Variants in AEN observed in about 807,000 individuals in gnomAD.
AEN encodes the protein apoptosis enhancing nuclease.
AEN carries 21 observed loss-of-function variants against 17.7 expected under a neutral mutation model. The observed-to-expected ratio is 1.19, with a 90% confidence interval of 0.84 to 1.71. The LOEUF (loss-of-function observed/expected upper bound fraction) is 1.71. Ranked by LOEUF, AEN falls within the 40% of genes most tolerant of loss-of-function variation. The pLI, the probability that AEN is intolerant of heterozygous loss-of-function variation, is 0.00. For missense variants in AEN, 462 were observed against 435.9 expected, an observed-to-expected ratio of 1.06 and a Z score of -0.53; for synonymous variants, 190 against 173.0, an observed-to-expected ratio of 1.10 and a Z score of -0.77.
chr15:88,609,133 C>A, the AEN span, among the ~76,000 whole-genome samples: 3 of 152,148 alleles, frequency 2.0e-5, no homozygotes, highest in Admixed American at 1.3e-4. Flanking sequence ...GATGCCTGAT[C>A]ATCACGGTGC....
the AEN span, among the ~76,000 whole-genome samples, chr15:88,605,917 G>A: frequency 6.6e-5 from 10 of 152,356 alleles, no homozygotes; most frequent in Non-Finnish European, 1.0e-4. This position sits in a 1 kb window ranked among gnomAD's most constrained non-coding sequence, Gnocchi z 7.6. Flanking sequence ...CGGCCCCTCA[G>A]ACCCCACGCG....
At chr15:88,621,024 C>G (rs987444856), upstream of AEN, among the ~76,000 whole-genome samples, 1 of 152,280 alleles carries the variant, frequency 6.6e-6, no homozygotes, top group East Asian at 1.9e-4. Context: ...TTGGTGGTAC[C>G]AGGCTTACAG....
chr15:88,607,504 C>T, the AEN span, among the ~76,000 whole-genome samples: 4 of 152,220 alleles, frequency 2.6e-5, no homozygotes, highest in African/African-American at 9.6e-5. Context: ...TGCACTGTTT[C>T]ATCTCAAATA....
At chr15:88,611,886 C>A in the AEN span, 1 of 519,962 alleles carries the variant, frequency 1.9e-6, no homozygotes, top group Non-Finnish European at 3.9e-6. Context: ...TGTTGTCTTA[C>A]TGCGCTCAAC....
the AEN span, among the ~76,000 whole-genome samples, chr15:88,609,669 T>G: frequency 6.6e-6 from 1 of 152,242 alleles, no homozygotes; most frequent in African/African-American, 2.4e-5. Context: ...TTTCAAAATA[T>G]ATTTCTTTGA....
the AEN span, among the ~76,000 whole-genome samples, chr15:88,610,670 C>A: frequency 6.6e-6 from 1 of 152,142 alleles, no homozygotes; most frequent in East Asian, 1.9e-4. Context: ...CCCCCACCCC[C>A]ATTCTGGATA....
intron 2 of AEN, chr15:88,627,459 C>CTTTTTTTTTTTTTT (rs11371024): frequency 7.1e-6 from 1 of 141,126 alleles, no homozygotes; most frequent in Non-Finnish European, 1.5e-5. Context: ...CATCTTGTTT[C>CTTTTTTTTTTTTTT]TTTTTTTTTT....
At chr15:88,611,932 G>A in the AEN span, 854 of 495,658 alleles carry the variant, frequency 1.7e-3, 8 homozygotes, top group South Asian at 0.011. Context: ...GCCAGCCATC[G>A]CAGCGGGGTG....
intron 1 of AEN, among the ~76,000 whole-genome samples, chr15:88,623,835 A>G (rs1276106037): frequency 2.6e-5 from 4 of 152,200 alleles, no homozygotes; most frequent in Admixed American, 2.6e-4. Context: ...AGAAGATGAA[A>G]TGGTGCAAAG....
At chr15:88,609,887 A>G in the AEN span, among the ~76,000 whole-genome samples, 5 of 152,178 alleles carry the variant, frequency 3.3e-5, no homozygotes, top group Non-Finnish European at 7.4e-5. Context: ...AACCAGTTTC[A>G]TTTATCACGG....
At chr15:88,604,724 A>C in the AEN span, 15 of 152,154 alleles carry the variant, frequency 9.9e-5, no homozygotes, top group African/African-American at 3.6e-4. The surrounding 1 kb of genome is among the most constrained non-coding windows in gnomAD (Gnocchi z 8.1). Context: ...CCATGCCAGG[A>C]CTACGGACCC....
At chr15:88,607,451 G>T in the AEN span, among the ~76,000 whole-genome samples, 7 of 152,268 alleles carry the variant, frequency 4.6e-5, no homozygotes, top group East Asian at 1.4e-3. Flanking sequence ...AGAATGATTT[G>T]AGAGGAAATC....
chr15:88,608,085 A>G, the AEN span: 2 of 520,266 alleles, frequency 3.8e-6, no homozygotes, highest in Admixed American at 2.0e-5. Context: ...TCTACTTTCA[A>G]GAAGATAACT....
chr15:88,607,858 A>T, the AEN span, among the ~76,000 whole-genome samples: 1 of 152,050 alleles, frequency 6.6e-6, no homozygotes, highest in African/African-American at 2.4e-5. Context: ...ATGCTTTTAA[A>T]ATGCTTTTCT....
At chr15:88,612,868 T>G in the AEN span, among the ~76,000 whole-genome samples, 16 of 152,258 alleles carry the variant, frequency 1.1e-4, no homozygotes, top group African/African-American at 3.9e-4. Context: ...CCCAAAGTGC[T>G]GGGAGTATAG....
Position 88,631,657 on chromosome 15 carries a change from C to CTTT in AEN, c.*1373_*1375dup. On this transcript the variant is annotated 3_prime_UTR_variant, in exon 4 of 4. Coordinates refer to ENST00000332810, the MANE Select transcript of AEN (RefSeq NM_022767.4). ...CTACTGTGAGTTTCTGTTTATCCCCCTTTTTTTTTTTTAAGCCCATTGTTT... is the reference window on the plus strand; with the variant it reads ...CTACTGTGAGTTTCTGTTTATCCCCCTTTTTTTTTTTTTTTAAGCCCATTGTTT... The CTTT allele has an allele frequency of 6.9e-6, 1 of 145,960 alleles. No homozygotes were observed. Among genetic ancestry groups the CTTT allele is most frequent in the Middle Eastern group, 3.5e-3 (1 of 288 alleles). 9.0% of individuals were successfully genotyped at this position (145,960 alleles called of 1,614,324 possible). A position where few individuals can be genotyped will look rare whatever the true frequency, so the allele number is the denominator to read the frequency against.
At chr15:88,628,624 T>C (rs1044115063) in intron 2 of AEN, 1 of 152,856 alleles carries the variant, frequency 6.5e-6, no homozygotes, top group Admixed American at 6.5e-5. Flanking sequence ...CTATGGTGTG[T>C]CTACCAGTGA....
chr15:88,630,266 C>A lies in AEN; in HGVS notation c.950C>A (p.Ala317Asp). The change falls in exon 4 of 4, where the codon GCC (alanine) becomes GAC (aspartate). Residue 317 changes from alanine to aspartate, a missense_variant. By Grantham distance (126) the Ala-to-Asp change is moderately radical. Coordinates refer to ENST00000332810, the MANE Select transcript of AEN (RefSeq NM_022767.4). The surrounding 1 kb of genome is among the most constrained non-coding windows in gnomAD (Gnocchi z 5.1). ...CTGGCCCACGGCAGCAGAGGAGGAG[C>A]CAGGGAGGCACAGGACAGAAGGAAT... The part of the protein sequence containing the change: ...DDLAHGSRGG[A>D]REAQDRRN The A allele has an allele frequency of 6.3e-7, 1 of 1,590,404 alleles. No individual in the cohort carries two copies. Among genetic ancestry groups the A allele is most frequent in the Non-Finnish European group, 8.6e-7 (1 of 1,168,876 alleles).
In AEN at chr15:88,629,351, C is replaced by T. The variant is rs1409204255; in HGVS notation, c.666C>T (p.Ser222=). The T allele has an allele frequency of 8.6e-5, 139 of 1,613,996 alleles. No homozygotes were observed. The highest frequency in any genetic ancestry group is 1.2e-4 in the Non-Finnish European group (136 of 1,180,028). ...CGACCTATGTCCCAAACTTCCTCAGCGAGCCCGGCCTCCACACCCGGGCCC... is the reference window on the plus strand; with the variant it reads ...CGACCTATGTCCCAAACTTCCTCAGTGAGCCCGGCCTCCACACCCGGGCCC... The part of the protein sequence containing the change: ...RDTTYVPNFL[S]EPGLHTRARV... The change falls in exon 3 of 4, where the codon AGC becomes AGT. Residue 222 remains serine (S), a synonymous_variant. Coordinates refer to ENST00000332810, the MANE Select transcript of AEN (RefSeq NM_022767.4).
Sources: allele counts gnomAD v4.1 joint callset (sites outside exome capture counted in the v4.1 genomes callset), GRCh38; gene constraint gnomAD v4.1.1; non-coding constraint Gnocchi (gnomAD v3.1); transcripts MANE v1.5; gene names NCBI Gene and HGNC (gene_info 2026-07-23, HGNC 2026-07-21).